Variants in CRY1 observed in about 807,000 individuals in gnomAD.
CRY1 encodes the protein cryptochrome-1.
CRY1 carries 45 observed loss-of-function variants against 76.0 expected under a neutral mutation model. The observed-to-expected ratio is 0.59, with a 90% CI of 0.47 to 0.76. The LOEUF is 0.76. CRY1 is among the 30% of genes least tolerant of loss of function. The probability of loss-of-function intolerance (pLI) is 0.00; values close to 1 mark genes in which losing one functional copy is unlikely to be tolerated. For synonymous variants in CRY1, 248 were observed against 244.0 expected, an observed-to-expected ratio of 1.02 and a Z score of -0.15; for missense variants, 587 against 716.4, an observed-to-expected ratio of 0.82 and a Z score of 2.06.
intron 8 of CRY1, 75 bp downstream of exon 8, chr12:106,997,840 T>TA: frequency 6.4e-7 from 1 of 1,566,014 alleles, no homozygotes; most frequent in Non-Finnish European, 8.7e-7. Context: ...GGGAATACTT[T>TA]AAGCATTGAT....
At chr12:107,080,891 T>C (rs1332559678) in intron 1 of CRY1, among the ~76,000 whole-genome samples, 4 of 152,108 alleles carry the variant, frequency 2.6e-5, no homozygotes, top group Admixed American at 2.6e-4. Context: ...ACACAGTTAA[T>C]GCTAAGTTCT....
At chr12:107,027,906 G>A (rs1452029219) in intron 1 of CRY1, among the ~76,000 whole-genome samples, 1 of 152,134 alleles carries the variant, frequency 6.6e-6, no homozygotes, top group African/African-American at 2.4e-5. Flanking sequence ...TATTGCTGCT[G>A]AACACAAGGC....
intron 1 of CRY1, among the ~76,000 whole-genome samples, chr12:107,041,494 G>A (rs937458080): frequency 6.6e-6 from 1 of 152,108 alleles, no homozygotes; most frequent in Non-Finnish European, 1.5e-5. Context: ...ACTAGCATAA[G>A]GCTATGTAAT....
Position 106,997,229 on chromosome 12 carries a change from T to A in CRY1, c.1585+65A>T, listed in dbSNP as rs1162410700. 4.5e-6 allele frequency: 6 copies of A among 1,323,304 alleles called. No individual in the cohort carries two copies. The East Asian group carries it at 9.2e-5, about 20-fold the overall frequency. 82.0% of individuals were successfully genotyped at this position (1,323,304 alleles called of 1,614,324 possible). On this transcript the variant is annotated intron_variant, in intron 10 of 12. Coordinates refer to ENST00000008527, the MANE Select transcript of CRY1 (RefSeq NM_004075.5). ...TATAAAATATGTTAGTGAGGATCAATAACAAATATATTTGTTTAATAACCT... is the reference window on the plus strand; with the variant it reads ...TATAAAATATGTTAGTGAGGATCAAAAACAAATATATTTGTTTAATAACCT...
chr12:107,041,855 G>A (rs1056898351), intron 1 of CRY1, among the ~76,000 whole-genome samples: 6 of 152,136 alleles, frequency 3.9e-5, no homozygotes, highest in Non-Finnish European at 5.9e-5. Flanking sequence ...ACAGCACCCA[G>A]ATTTTGGTTT....
intron 12 of CRY1, 180 bp downstream of exon 12, chr12:106,992,607 T>C (rs1312877569): frequency 5.4e-6 from 3 of 552,246 alleles, no homozygotes; most frequent in Non-Finnish European, 3.2e-6. Flanking sequence ...CAACAATTTC[T>C]CCAGTACAGA....
chr12:107,002,037 A>C (rs1211246216), intron 3 of CRY1, 89 bp from the exon 4 acceptor site: 9 of 1,091,688 alleles, frequency 8.2e-6, no homozygotes. Flanking sequence ...AAAAGCAGAA[A>C]ATAAAATTAA....
At chr12:107,021,973 C>G in intron 2 of CRY1, 111 bp downstream of exon 2, 5 of 812,338 alleles carry the variant, frequency 6.2e-6, no homozygotes, top group Non-Finnish European at 9.7e-6. Flanking sequence ...AAAATTTTTA[C>G]TTGAAAATAC....
chr12:107,019,443 T>TATATTAGG (rs1422035894), intron 2 of CRY1, among the ~76,000 whole-genome samples: 1 of 152,202 alleles, frequency 6.6e-6, no homozygotes, highest in African/African-American at 2.4e-5. Context: ...CATGTATTTG[T>TATATTAGG]ATATTAGGGC....
chr12:107,000,148 T>C lies in CRY1; in HGVS notation c.685-66A>G, dbSNP rs1952290021. 9.4e-6 allele frequency: 14 copies of C among 1,486,226 alleles called. No homozygotes were observed. The South Asian group carries it at 1.7e-4, about 18-fold the overall frequency. The allele number at this position is 1,486,226 out of a possible 1,614,324, so 92.1% of individuals were successfully genotyped here. A position where few individuals can be genotyped will look rare whatever the true frequency, so the allele number is the denominator to read the frequency against. ...TTTCATTTTAAAAGAACACTCAGAA[T>C]GGAGATTTTTTTTTTTAAAGTTACA... is the stretch of plus-strand genomic sequence containing the variant. On this transcript the variant is annotated intron_variant, in intron 5 of 12. Transcript: ENST00000008527.
intron 1 of CRY1, among the ~76,000 whole-genome samples, chr12:107,032,360 A>C (rs1952686532): frequency 6.6e-6 from 1 of 152,230 alleles, no homozygotes; most frequent in African/African-American, 2.4e-5. Flanking sequence ...CAAATCTAAA[A>C]TTATTCAAAA....
In CRY1 at chr12:107,074,398, T is replaced by G. The variant is rs576221283; in HGVS notation, c.158+18406A>C. Among the ~76,000 whole-genome samples the G allele has an allele frequency of 1.6e-4, 24 of 152,290 alleles. No homozygotes were observed. In the South Asian group the frequency reaches 2.1e-3, roughly 13 times the overall value. On this transcript the variant is annotated intron_variant, in intron 1 of 12. Coordinates refer to ENST00000008527, the MANE Select transcript of CRY1 (RefSeq NM_004075.5). ...CAAGAAAACTAAATAAAAATACGTG[T>G]CATTAAGATATTTAATTTGTTGTTG...
chr12:106,993,174 A>C, intron 10 of CRY1, 138 bp from the exon 11 acceptor site: 1 of 794,168 alleles, frequency 1.3e-6, no homozygotes, highest in Non-Finnish European at 2.0e-6. Flanking sequence ...CAATCTTCCT[A>C]TGAACCAAAA....
In CRY1 at chr12:106,992,873, T is replaced by G. The variant is rs756035576; in HGVS notation, c.1675A>C (p.Thr559Pro). ...LLKQGRSSMG[T>P]GLSGGKRPSQ... The stretch of plus-strand genomic sequence containing the variant: ...GGACGTTTCCCACCACTGAGACCAG[T>G]GCCCATGGAGCTTCTTCCTGCACAT... Residue 559 changes from threonine to proline, a missense_variant, in exon 12 of 13, where the codon ACT (threonine) becomes CCT (proline). Physicochemically the swap from Thr to Pro is conservative, Grantham distance 38. Coordinates refer to ENST00000008527, the MANE Select transcript of CRY1 (RefSeq NM_004075.5). 3.7e-6 allele frequency: 6 copies of G among 1,613,986 alleles called. No homozygotes were observed. Among genetic ancestry groups the G allele is most frequent in the Non-Finnish European group, 4.2e-6 (5 of 1,179,930 alleles).
At chr12:107,002,223 T>C (rs549491089) in intron 3 of CRY1, among the ~76,000 whole-genome samples, 42 of 152,118 alleles carry the variant, frequency 2.8e-4, no homozygotes, top group African/African-American at 1.0e-3. Context: ...ATTAAAAACT[T>C]ATGAGAGGAA....
At chr12:107,087,474 G>A (rs998712246) in intron 1 of CRY1, among the ~76,000 whole-genome samples, 2 of 152,242 alleles carry the variant, frequency 1.3e-5, no homozygotes, top group African/African-American at 2.4e-5. Flanking sequence ...AGAGTCAAGC[G>A]AGATTATTTT....
intron 1 of CRY1, among the ~76,000 whole-genome samples, chr12:107,049,614 G>C (rs922728491): frequency 2.0e-5 from 3 of 152,150 alleles, no homozygotes; most frequent in African/African-American, 4.8e-5. Flanking sequence ...CTGACCTCAA[G>C]TGATCTCCCT....
chr12:107,080,620 AAGG>A lies in CRY1; in HGVS notation c.158+12181_158+12183del, dbSNP rs1273824169. 1.3e-5 allele frequency among the ~76,000 whole-genome samples: 2 copies of A among 152,040 alleles called. 1 individual carries two copies. The highest frequency in any genetic ancestry group is 4.8e-5 in the African/African-American group (2 of 41,402). ...TTAATAAAGCCAAGGGAAGAAGAGG[AAGG>A]TGTGGTCAAATGTGTCAAACATTGT... On this transcript the variant is annotated intron_variant, in intron 1 of 12. Transcript: ENST00000008527.
chr12:106,995,594 T>C (rs1469635066), intron 10 of CRY1, among the ~76,000 whole-genome samples: 1 of 152,148 alleles, frequency 6.6e-6, no homozygotes, highest in Non-Finnish European at 1.5e-5. Flanking sequence ...ATACAAAGTG[T>C]TTGTATGATT....
Sources: gnomAD v4.1 joint callset for allele counts (sites outside exome capture counted in the v4.1 genomes callset) on GRCh38, gnomAD v4.1.1 for gene constraint, MANE v1.5 for transcripts, NCBI Gene and HGNC (gene_info 2026-07-23, HGNC 2026-07-21) for gene names.